SNTB1: variants seen among roughly 807,000 people sequenced by gnomAD.
The protein encoded by SNTB1 is syntrophin beta 1.
SNTB1 carries 36 observed loss-of-function variants against 48.9 expected under a neutral mutation model. The observed-to-expected ratio is 0.74, with a 90% CI of 0.56 to 0.97. The LOEUF (loss-of-function observed/expected upper bound fraction) is 0.97. SNTB1 is among the 50% of genes least tolerant of loss of function. The pLI is 0.00. For synonymous variants in SNTB1, 299 were observed against 294.6 expected, an observed-to-expected ratio of 1.01 and a Z score of -0.15; for missense variants, 786 against 703.4, an observed-to-expected ratio of 1.12 and a Z score of -1.33.
chr8:120,709,273 G>A (rs987100141), intron 1 of SNTB1, among the ~76,000 whole-genome samples: 1 of 152,060 alleles, frequency 6.6e-6, no homozygotes, highest in Non-Finnish European at 1.5e-5. Flanking sequence ...TATAAAATCA[G>A]GGAAACTACC....
intron 1 of SNTB1, among the ~76,000 whole-genome samples, chr8:120,741,899 C>T (rs1322869321): frequency 6.6e-6 from 1 of 152,066 alleles, no homozygotes; most frequent in Non-Finnish European, 1.5e-5. Context: ...GTGGAGTATG[C>T]CATAAAGACT....
At chr8:120,802,030 A>T (rs926907838) in intron 1 of SNTB1, among the ~76,000 whole-genome samples, 1 of 151,954 alleles carries the variant, frequency 6.6e-6, no homozygotes, top group Non-Finnish European at 1.5e-5. Context: ...ATCTTATTAG[A>T]CTCCCCATTG....
chr8:120,792,180 A>G (rs1286514821), intron 1 of SNTB1, among the ~76,000 whole-genome samples: 2 of 151,790 alleles, frequency 1.3e-5, no homozygotes, highest in African/African-American at 4.8e-5. Flanking sequence ...ATAAAAAAGA[A>G]CAAAATAATG....
chr8:120,598,890 C>A (rs1366856030), intron 3 of SNTB1, among the ~76,000 whole-genome samples: 2 of 152,120 alleles, frequency 1.3e-5, no homozygotes, highest in African/African-American at 4.8e-5. Context: ...CACGGCTCCT[C>A]CTCTGTGTGA....
At chr8:120,548,649 G>C in intron 5 of SNTB1, 113 bp downstream of exon 5, 1 of 896,996 alleles carries the variant, frequency 1.1e-6, no homozygotes, top group Non-Finnish European at 1.7e-6. Flanking sequence ...TTTGCTTCTG[G>C]AATTTTAACT....
At chr8:120,714,372 G>T (rs1272200701) in intron 1 of SNTB1, among the ~76,000 whole-genome samples, 1 of 152,194 alleles carries the variant, frequency 6.6e-6, no homozygotes, top group Non-Finnish European at 1.5e-5. Context: ...AGAACTTGAG[G>T]CTGGCCCTCA....
intron 3 of SNTB1, among the ~76,000 whole-genome samples, chr8:120,588,119 G>A (rs1266264280): frequency 6.6e-6 from 1 of 152,128 alleles, no homozygotes; most frequent in Non-Finnish European, 1.5e-5. Context: ...TGTTTCCAAA[G>A]GATAAAAGGT....
chr8:120,684,776 T>A (rs1286521040), intron 2 of SNTB1, among the ~76,000 whole-genome samples: 1 of 151,628 alleles, frequency 6.6e-6, no homozygotes, highest in East Asian at 1.9e-4. Flanking sequence ...TGCCTCAGCC[T>A]CCCGAGTAGC....
chr8:120,654,603 T>G (rs995974856), intron 2 of SNTB1, among the ~76,000 whole-genome samples: 1 of 152,188 alleles, frequency 6.6e-6, no homozygotes, highest in Non-Finnish European at 1.5e-5. Context: ...TCACTCTCGA[T>G]GTCTGCCAAG....
At chr8:120,592,980 T>C (rs1203190021) in intron 3 of SNTB1, among the ~76,000 whole-genome samples, 3 of 152,150 alleles carry the variant, frequency 2.0e-5, no homozygotes, top group African/African-American at 4.8e-5. Flanking sequence ...TTCCCATGGC[T>C]TTTTTTGTTG....
chr8:120,598,514 C>T (rs1174939208), intron 3 of SNTB1, among the ~76,000 whole-genome samples: 8 of 152,188 alleles, frequency 5.3e-5, no homozygotes, highest in Admixed American at 4.6e-4. Context: ...AGAAGTCAGA[C>T]AAGGTCTCAC....
chr8:120,551,466 T>C (rs2130655083), intron 4 of SNTB1, among the ~76,000 whole-genome samples: 1 of 152,098 alleles, frequency 6.6e-6, no homozygotes, highest in South Asian at 2.1e-4. Flanking sequence ...TAGAACCCCA[T>C]TTTGTCTGAC....
chr8:120,540,586 A>G (rs1563812309), intron 6 of SNTB1, among the ~76,000 whole-genome samples: 1 of 152,222 alleles, frequency 6.6e-6, no homozygotes, highest in African/African-American at 2.4e-5. Flanking sequence ...TGAATTAGAA[A>G]TAGTCTTAGT....
intron 3 of SNTB1, among the ~76,000 whole-genome samples, chr8:120,581,621 C>T (rs1816052064): frequency 6.6e-6 from 1 of 151,412 alleles, no homozygotes; most frequent in African/African-American, 2.4e-5. Flanking sequence ...AGGAGAAGAG[C>T]AGAATGAGTG....
chr8:120,658,529 T>A (rs1817534138), intron 2 of SNTB1, among the ~76,000 whole-genome samples: 1 of 152,186 alleles, frequency 6.6e-6, no homozygotes, highest in East Asian at 1.9e-4. Flanking sequence ...TCTCAGGAAT[T>A]TTTTTGGTTT....
At chr8:120,561,341 G>GAAAAA (rs1382556427) in intron 4 of SNTB1, among the ~76,000 whole-genome samples, 10 of 67,382 alleles carry the variant, frequency 1.5e-4, no homozygotes, top group South Asian at 5.3e-4. Flanking sequence ...AAAAAAAAAA[G>GAAAAA]AAAAAAAGAA....
intron 2 of SNTB1, among the ~76,000 whole-genome samples, chr8:120,648,532 A>G (rs1180591690): frequency 1.3e-5 from 2 of 152,060 alleles, no homozygotes; most frequent in Non-Finnish European, 2.9e-5. Flanking sequence ...CTGCCGAGAC[A>G]TCTGCTGTTA....
chr8:120,767,096 TATTA>T (rs1005925368), intron 1 of SNTB1, among the ~76,000 whole-genome samples: 4 of 152,236 alleles, frequency 2.6e-5, no homozygotes, highest in African/African-American at 9.6e-5. Context: ...TTCCAGTCTT[TATTA>T]ATTTATTTTG....
At chr8:120,567,201 C>T (rs1039346709) in intron 4 of SNTB1, among the ~76,000 whole-genome samples, 1 of 152,128 alleles carries the variant, frequency 6.6e-6, no homozygotes, top group East Asian at 1.9e-4. Context: ...GAAACATTTT[C>T]CTGATGTTTG....
Sources: allele counts gnomAD v4.1 joint callset (sites outside exome capture counted in the v4.1 genomes callset), GRCh38; gene constraint gnomAD v4.1.1; transcripts MANE v1.5; gene names NCBI Gene and HGNC (gene_info 2026-07-23, HGNC 2026-07-21).